GGN: variants seen among roughly 807,000 people sequenced by gnomAD.
GGN encodes the protein gametogenetin.
A neutral mutation model predicts 35.5 loss-of-function variants in GGN; 27 were observed. The observed-to-expected ratio is 0.76, with a 90% CI of 0.56 to 1.05. GGN has a LOEUF of 1.05. GGN is among the 50% of genes least tolerant of loss of function. GGN has a pLI of 0.00. For synonymous variants in GGN, 425 were observed against 444.1 expected (o/e 0.96, Z 0.54); for missense variants, 1,006 against 940.7 (o/e 1.07, Z -0.91).
At position 38,386,406 on chromosome 19, in the gene GGN, C is replaced by G. The variant is rs1395791653; in HGVS notation, c.856G>C (p.Ala286Pro). 2 of 1,612,894 alleles carry G rather than the reference C, an allele frequency of 1.2e-6. No homozygotes were observed. The highest frequency in any genetic ancestry group is 3.3e-5 in the Admixed American group (2 of 60,008). ...AGGGGCCCTTGCTTCAGGACCTCGG[C>G]GTAAGAGATGGCACCTGAGGCAGCA... Reference protein sequence around the residue: ...LFAASGAISYAEVLKQGPLPP... With the variant: ...LFAASGAISYPEVLKQGPLPP... The change falls in exon 3 of 4, where the codon GCC becomes CCC. Residue 286 changes from alanine to proline, a missense_variant. Ala to Pro is a conservative substitution (Grantham distance 27, BLOSUM62 -1). Transcript: ENST00000334928.
rs753030493 is a variant in GGN, at chr19:38,386,786, C to G, written c.476G>C (p.Arg159Thr). ...GGGCGGCGGAAATTGGGATGGGGCCCTCGGGACAGTGTCCTTCACGGATAG... is the reference window on the plus strand; with the variant it reads ...GGGCGGCGGAAATTGGGATGGGGCCGTCGGGACAGTGTCCTTCACGGATAG... ...RQLSVKDTVP[R>T]APSQFPPPLE... is the part of the protein sequence containing the mutation. The change falls in exon 3 of 4, where the codon AGG becomes ACG. Residue 159 changes from arginine to threonine, a missense_variant. Arg to Thr is a moderately conservative substitution (Grantham distance 71, BLOSUM62 -1). Coordinates refer to ENST00000334928, the MANE Select transcript of GGN (RefSeq NM_152657.4). 1 of 1,610,882 alleles carries G rather than the reference C, an allele frequency of 6.2e-7. No homozygotes were observed. The highest frequency in any genetic ancestry group is 8.5e-7 in the Non-Finnish European group (1 of 1,178,090).
rs753030493 is a variant in GGN at position 38,386,786 on chromosome 19, C to T, written c.476G>A (p.Arg159Lys). 1.6e-5 allele frequency: 26 copies of T among 1,610,882 alleles called. No homozygotes were observed. The highest frequency in any genetic ancestry group is 8.0e-5 in the African/African-American group (6 of 74,804). The stretch of plus-strand genomic sequence containing the variant: ...GGGCGGCGGAAATTGGGATGGGGCC[C>T]TCGGGACAGTGTCCTTCACGGATAG... ...RQLSVKDTVPRAPSQFPPPLE... is the reference protein window; with the variant it reads ...RQLSVKDTVPKAPSQFPPPLE... The change falls in exon 3 of 4, where the codon AGG becomes AAG. Residue 159 changes from arginine (R) to lysine (K), a missense_variant. By Grantham distance (26) the Arg-to-Lys change is conservative. Transcript: ENST00000334928.
Position 38,386,051 on chromosome 19 carries a change from C to A in GGN, c.1211G>T (p.Arg404Leu). The A allele has an allele frequency of 6.3e-7, 1 of 1,594,868 alleles. No homozygotes were observed. Among genetic ancestry groups the A allele is most frequent in the South Asian group, 1.1e-5 (1 of 88,518 alleles). ...CGCCAGCAGGGCAGGTGCGGGCCTC[C>A]GGGGCCCGGGAGCTGAGTGTATCTG... Reference protein sequence around the residue: ...PEQIHSAPGPRRPAPALLAPP... With the variant: ...PEQIHSAPGPLRPAPALLAPP... Residue 404 changes from arginine (R) to leucine (L), a missense_variant, in exon 3 of 4, where the codon CGG (arginine) becomes CTG (leucine). Physicochemically the swap from Arg to Leu is moderately radical, Grantham distance 102. Transcript: ENST00000334928.
Position 38,384,496 on chromosome 19 carries a change from T to A in GGN, c.1875A>T (p.Pro625=). The part of the protein sequence containing the change: ...LSTSTNHLGE[P]PWVATIKLSG... ...ACAGCTTGATGGTGGCAACCCAGGG[T>A]GGCTCGCCCAGGTGGTTGGTGGATG... is the stretch of plus-strand genomic sequence containing the variant. Residue 625 remains proline (P), a synonymous_variant, in exon 4 of 4, where the codon CCA becomes CCT. Transcript: ENST00000334928. 1 of 1,614,004 alleles carries A rather than the reference T, an allele frequency of 6.2e-7. No individual in the cohort carries two copies.
In GGN at chr19:38,385,696, C is replaced by G; in HGVS notation, c.1566G>C (p.Lys522Asn). ...SAPAPAAAPI[K>N]TRTRRNKGSR... ...AACCCTTGTTCCTGCGCGTGCGGGT[C>G]TTGATGGGCGCAGCCGCGGGTGCGG... The change falls in exon 3 of 4, where the codon AAG becomes AAC. Residue 522 changes from lysine to asparagine, a missense_variant. Coordinates refer to ENST00000334928, the MANE Select transcript of GGN (RefSeq NM_152657.4). The G allele has an allele frequency of 2.5e-6, 4 of 1,613,006 alleles. No individual in the cohort carries two copies. Among genetic ancestry groups the G allele is most frequent in the Non-Finnish European group, 3.4e-6 (4 of 1,179,794 alleles).
rs143457997 is a variant in GGN at position 38,386,703 on chromosome 19, T to A, written c.559A>T (p.Arg187Ter). The change falls in exon 3 of 4, where the codon AGA becomes TGA. Residue 187 changes from arginine (R) to a stop codon, truncating the protein, a stop_gained. Transcript: ENST00000334928. LOFTEE classifies it high-confidence loss of function. ...LPSERQPADRRITPALATPAS... is the reference protein window; with the variant it reads ...LPSERQPADR ...GGTGTGGCCAGAGCAGGAGTGATTC[T>A]GCGGTCCGCCGGCTGCCGTTCAGAA... 6.2e-7 allele frequency: 1 copy of A among 1,606,242 alleles called. No individual in the cohort carries two copies. The highest frequency in any genetic ancestry group is 8.5e-7 in the Non-Finnish European group (1 of 1,175,178).
chr19:38,388,115 G>T (rs1970765267), upstream of GGN: 1 of 130,922 alleles, frequency 7.6e-6, no homozygotes. Context: ...CCGAGGCCCC[G>T]CCCACGCGAA....
In GGN at chr19:38,386,105, G is replaced by A; in HGVS notation, c.1157C>T (p.Pro386Leu). 1 of 1,584,552 alleles carries A rather than the reference G, an allele frequency of 6.3e-7. No individual in the cohort carries two copies. Among genetic ancestry groups the A allele is most frequent in the Non-Finnish European group, 8.6e-7 (1 of 1,168,200 alleles). ...PRRRAAALSG[P>L]WGSPPPPPEQ... ...TGGTGGTGGCGGAGGGGAGCCCCAA[G>A]GCCCAGAGAGTGCGGCCGCACGCCG... The change falls in exon 3 of 4, where the codon CCT becomes CTT. Residue 386 changes from proline to leucine, a missense_variant. By Grantham distance (98) the Pro-to-Leu change is moderately conservative. Transcript: ENST00000334928.
rs761330145 is a variant in GGN, at chr19:38,385,993, A to G, written c.1269T>C (p.Asn423=). ...PPTFIFPAPT[N]GEPMRPGPPG... is the part of the protein sequence containing the mutation. ...GAGGCCCCGGGCGCATGGGCTCGCCATTGGTGGGTGCTGGGAAGATGAACG... is the reference window on the plus strand; with the variant it reads ...GAGGCCCCGGGCGCATGGGCTCGCCGTTGGTGGGTGCTGGGAAGATGAACG... Residue 423 remains asparagine (N), a synonymous_variant, in exon 3 of 4, where the codon AAT becomes AAC. Transcript: ENST00000334928. The G allele has an allele frequency of 4.4e-6, 7 of 1,607,684 alleles. No individual in the cohort carries two copies. The Admixed American group carries it at 5.1e-5, about 12-fold the overall frequency.
upstream of GGN, chr19:38,388,094 CT>C (rs1970764915): frequency 6.2e-6 from 1 of 162,362 alleles, no homozygotes; most frequent in African/African-American, 2.4e-5. Context: ...TCCCGCCCCT[CT>C]CATTCCCTCC....
rs1453899939 is a variant in GGN, at chr19:38,387,553, C to G, written c.-20+208G>C. Among the ~76,000 whole-genome samples the G allele has an allele frequency of 6.6e-6, 1 of 152,088 alleles. No individual in the cohort carries two copies. The highest frequency in any genetic ancestry group is 2.4e-5 in the African/African-American group (1 of 41,520). On this transcript the variant is annotated intron_variant, in intron 2 of 3. Transcript: ENST00000334928. This position sits in a 1 kb window ranked among gnomAD's most constrained non-coding sequence, Gnocchi z 5.3. ...TGTCCCCTTGGCTGGTCATGCTGATCCCTCAGTCCTCTCCTCTAACTCTCC... is the reference window on the plus strand; with the variant it reads ...TGTCCCCTTGGCTGGTCATGCTGATGCCTCAGTCCTCTCCTCTAACTCTCC...
Position 38,384,408 on chromosome 19 carries a change from A to G in GGN, c.*4T>C. The G allele has an allele frequency of 6.2e-7, 1 of 1,605,988 alleles. No individual in the cohort carries two copies. The highest frequency in any genetic ancestry group is 8.5e-7 in the Non-Finnish European group (1 of 1,172,736). ...GAAGGTGGAGGGTGTTGAGCCGACT[A>G]CACTCAGTTGGAATGGGTGGCCTGC... On this transcript the variant is annotated 3_prime_UTR_variant, in exon 4 of 4. Transcript: ENST00000334928.
rs751620997 is a variant in GGN, at chr19:38,386,029, C to T, written c.1233G>A (p.Leu411=). The part of the protein sequence containing the change: ...PGPRRPAPAL[L]APPTFIFPAP... ...CTGGGAAGATGAACGTAGGCGGCGC[C>T]AGCAGGGCAGGTGCGGGCCTCCGGG... Residue 411 remains leucine (L), a synonymous_variant, in exon 3 of 4, where the codon CTG becomes CTA. Coordinates refer to ENST00000334928, the MANE Select transcript of GGN (RefSeq NM_152657.4). 1 of 1,604,904 alleles carries T rather than the reference C, an allele frequency of 6.2e-7. No homozygotes were observed. The highest frequency in any genetic ancestry group is 8.5e-7 in the Non-Finnish European group (1 of 1,176,110).
At chr19:38,384,669 C>T (rs753894012) in intron 3 of GGN, 140 bp from the exon 4 acceptor site, 42 of 635,986 alleles carry the variant, frequency 6.6e-5, no homozygotes, top group Non-Finnish European at 1.0e-4. Context: ...TAGGGCAGGG[C>T]TGTGGCCACT....
chr19:38,386,479 G>A lies in GGN; in HGVS notation c.783C>T (p.Ser261=), dbSNP rs771003765. Residue 261 remains serine, a synonymous_variant, in exon 3 of 4, where the codon TCC becomes TCT. Transcript: ENST00000334928. ...CCCCCAGCGAAGCTTTGGCTGCTAAGGAACTCGAGGCTGCCGGAGGGGCCA... is the reference window on the plus strand; with the variant it reads ...CCCCCAGCGAAGCTTTGGCTGCTAAAGAACTCGAGGCTGCCGGAGGGGCCA... ...PSLAPPAASS[S]LAAKASLGGG... The A allele has an allele frequency of 1.9e-6, 3 of 1,612,938 alleles. No individual in the cohort carries two copies. The highest frequency in any genetic ancestry group is 2.2e-5 in the East Asian group (1 of 44,878).
At chr19:38,384,597 C>G in intron 3 of GGN, 68 bp from the exon 4 acceptor site, 1 of 1,142,432 alleles carries the variant, frequency 8.8e-7, no homozygotes, top group Non-Finnish European at 1.3e-6. Context: ...TCTAGGGCCT[C>G]CCTGTCCCCA....
Position 38,387,050 on chromosome 19 carries a change from G to A in GGN, c.212C>T (p.Ser71Leu). ...MVPREPQASP[S>L]TLPLTLERPS... ...CCGTTCTAAGGTGAGGGGCAGGGTC[G>A]AGGGTGAGGCCTGGGGCTCCCGGGG... is the stretch of plus-strand genomic sequence containing the variant. The change falls in exon 3 of 4, where the codon TCG becomes TTG. Residue 71 changes from serine to leucine, a missense_variant. Ser to Leu is a moderately radical substitution (Grantham distance 145, BLOSUM62 -2). Transcript: ENST00000334928. This position sits in a 1 kb window ranked among gnomAD's most constrained non-coding sequence, Gnocchi z 5.3. The A allele has an allele frequency of 1.3e-6, 2 of 1,556,242 alleles. No individual in the cohort carries two copies. Among genetic ancestry groups the A allele is most frequent in the South Asian group, 1.2e-5 (1 of 84,184 alleles).
At chr19:38,388,281 GCCCCTTCGTGACGCA>G (rs1568393528), upstream of GGN, 1 of 369,174 alleles carries the variant, frequency 2.7e-6, no homozygotes, top group Non-Finnish European at 4.8e-6. Context: ...CCGTGGGCCC[GCCCCTTCGTGACGCA>G]CGCACTAGTC....
chr19:38,384,634 A>G, intron 3 of GGN, 105 bp from the exon 4 acceptor site: 1 of 809,910 alleles, frequency 1.2e-6, no homozygotes, highest in Non-Finnish European at 2.0e-6. Flanking sequence ...TCTGAAGGCT[A>G]TATTGGAATA....
Sources: gnomAD v4.1 joint callset for allele counts (sites outside exome capture counted in the v4.1 genomes callset) on GRCh38, gnomAD v4.1.1 for gene constraint, Gnocchi (gnomAD v3.1) non-coding constraint, MANE v1.5 for transcripts, NCBI Gene and HGNC (gene_info 2026-07-23, HGNC 2026-07-21) for gene names.